Variants in DEUP1 observed in about 807,000 individuals in gnomAD.
DEUP1 encodes coiled-coil domain containing 67.
Under a neutral mutation model 87.4 loss-of-function variants are expected in DEUP1, and 82 were observed. That is an observed-to-expected ratio of 0.94 (90% CI 0.78 to 1.13). DEUP1 has a LOEUF of 1.13. Among genes scored for constraint, DEUP1 ranks in the 50% most tolerant of loss-of-function variants. The probability of loss-of-function intolerance (pLI) is 0.00; values close to 1 mark genes in which losing one functional copy is unlikely to be tolerated. For synonymous variants in DEUP1, 214 were observed against 222.7 expected (o/e 0.96, Z 0.35); for missense variants, 663 against 681.5 (o/e 0.97, Z 0.30).
chr11:93,358,652 C>CGG (rs1243554839), intron 4 of DEUP1, among the ~76,000 whole-genome samples: 1 of 152,102 alleles, frequency 6.6e-6, no homozygotes, highest in East Asian at 1.9e-4. Flanking sequence ...GGCATGATCT[C>CGG]CCCTCACTGC....
intron 7 of DEUP1, among the ~76,000 whole-genome samples, chr11:93,380,478 G>T (rs1275661600): frequency 6.6e-6 from 1 of 152,084 alleles, no homozygotes; most frequent in African/African-American, 2.4e-5. Flanking sequence ...TCGGCTCACT[G>T]CAAGCTCCAC....
In DEUP1 at chr11:93,433,750, G is replaced by T. The variant is rs756184964; in HGVS notation, c.1639-3793G>T. Among the ~76,000 whole-genome samples, 14 of 152,302 alleles carry T rather than the reference G, an allele frequency of 9.2e-5. No homozygotes were observed. The East Asian group carries it at 2.7e-3, about 29-fold the overall frequency. Reference sequence around the variant, plus strand: ...ATTTTAGTATTTTCAGGAGGAGAGTGAAGGAGACAGGCTAGGGAAGGGGAG... The same window carrying T: ...ATTTTAGTATTTTCAGGAGGAGAGTTAAGGAGACAGGCTAGGGAAGGGGAG... On this transcript the variant is annotated intron_variant, in intron 13 of 13. Coordinates refer to ENST00000298050, the MANE Select transcript of DEUP1 (RefSeq NM_181645.4).
In DEUP1 at chr11:93,420,128, C is replaced by A. The variant is rs201214092; in HGVS notation, c.1638+5014C>A. Among the ~76,000 whole-genome samples the A allele has an allele frequency of 2.2e-4, 34 of 152,294 alleles. No homozygotes were observed. In the East Asian group the frequency reaches 6.6e-3, roughly 29 times the overall value. Reference sequence around the variant, plus strand: ...CACAACCAAATAAGAGAATTTTAGACCAATATCCTTGATGAACATTGATGC... The same window carrying A: ...CACAACCAAATAAGAGAATTTTAGAACAATATCCTTGATGAACATTGATGC... On this transcript the variant is annotated intron_variant, in intron 13 of 13. Coordinates refer to ENST00000298050, the MANE Select transcript of DEUP1 (RefSeq NM_181645.4).
rs568658048 is a variant in DEUP1, at chr11:93,364,660, C to T, written c.432+366C>T. Among the ~76,000 whole-genome samples the T allele has an allele frequency of 3.3e-5, 5 of 151,874 alleles. No individual in the cohort carries two copies. The East Asian group carries it at 9.7e-4, about 29-fold the overall frequency. The stretch of plus-strand genomic sequence containing the variant: ...CATTTAGCTATTAGGTAGTTAAATC[C>T]CAATGAAGCCTCATCACAGTTTTTA... On this transcript the variant is annotated intron_variant, in intron 5 of 13. Transcript: ENST00000298050.
chr11:93,430,108 T>C (rs773136448), intron 13 of DEUP1, among the ~76,000 whole-genome samples: 11 of 152,202 alleles, frequency 7.2e-5, no homozygotes, highest in Non-Finnish European at 1.5e-4. Flanking sequence ...GTTCTCTGGC[T>C]TCTATGACAC....
At chr11:93,336,037 C>T (rs193062010) in intron 2 of DEUP1, among the ~76,000 whole-genome samples, 6 of 152,164 alleles carry the variant, frequency 3.9e-5, no homozygotes, top group South Asian at 4.1e-4. Context: ...CATTTGAACC[C>T]GGGAGGCGGA....
intron 13 of DEUP1, among the ~76,000 whole-genome samples, chr11:93,416,275 A>G (rs1328760745): frequency 6.6e-6 from 1 of 152,220 alleles, no homozygotes; most frequent in Non-Finnish European, 1.5e-5. Context: ...CAAAATTGAT[A>G]GACTGCTAAC....
Position 93,396,271 on chromosome 11 carries a change from T to C in DEUP1, c.1272T>C (p.Thr424=). 6.3e-7 allele frequency: 1 copy of C among 1,586,600 alleles called. No individual in the cohort carries two copies. The highest frequency in any genetic ancestry group is 8.6e-7 in the Non-Finnish European group (1 of 1,165,992). ...ATATGAAATATAAAGCTGTCAGAAC[T>C]GAAAACACACATCTAAAAGGAATGA... The part of the protein sequence containing the change: ...VSDMKYKAVR[T]ENTHLKGMMG... The change falls in exon 11 of 14, where the codon ACT becomes ACC. Residue 424 remains threonine, a synonymous_variant. Transcript: ENST00000298050.
Position 93,437,730 on chromosome 11 carries a change from T to A in DEUP1, c.*11T>A. 6.6e-7 allele frequency: 1 copy of A among 1,507,596 alleles called. No homozygotes were observed. Among genetic ancestry groups the A allele is most frequent in the Non-Finnish European group, 9.1e-7 (1 of 1,098,462 alleles). 93.4% of individuals were successfully genotyped at this position (1,507,596 alleles called of 1,614,324 possible). On this transcript the variant is annotated 3_prime_UTR_variant, in exon 14 of 14. Coordinates refer to ENST00000298050, the MANE Select transcript of DEUP1 (RefSeq NM_181645.4). ...AATAGACACATATGAGCTTTTAAAC[T>A]TTTTTATTTGCTTCCCCCCCCCACC...
At chr11:93,414,945 A>G (rs1262347441) in intron 12 of DEUP1, 55 bp from the exon 13 acceptor site, 2 of 990,996 alleles carry the variant, frequency 2.0e-6, no homozygotes. Flanking sequence ...CCTTAGCTAC[A>G]TAAATAAACA....
intron 13 of DEUP1, among the ~76,000 whole-genome samples, chr11:93,427,616 T>C (rs1947964594): frequency 6.6e-6 from 1 of 150,400 alleles, no homozygotes; most frequent in Non-Finnish European, 1.5e-5. Context: ...AAAGCCAAAA[T>C]TGACAAATGG....
intron 4 of DEUP1, among the ~76,000 whole-genome samples, chr11:93,359,790 C>CCACT (rs1945075788): frequency 6.6e-6 from 1 of 152,156 alleles, no homozygotes; most frequent in African/African-American, 2.4e-5. Context: ...AACTATAGCC[C>CCACT]CACTGCCACC....
intron 2 of DEUP1, among the ~76,000 whole-genome samples, chr11:93,339,302 A>T (rs914104919): frequency 3.9e-5 from 6 of 152,244 alleles, no homozygotes; most frequent in Non-Finnish European, 7.3e-5. Flanking sequence ...TATACCTATA[A>T]TCTGTACAAA....
At chr11:93,357,254 A>G (rs1944943125) in intron 4 of DEUP1, 1 of 370,912 alleles carries the variant, frequency 2.7e-6, no homozygotes, top group African/African-American at 2.1e-5. Flanking sequence ...CTGTTAGCAC[A>G]GTAGTAGACA....
Position 93,385,556 on chromosome 11 carries a change from T to C in DEUP1, c.935+13T>C, listed in dbSNP as rs192533254. 368 of 1,574,852 alleles carry C rather than the reference T, an allele frequency of 2.3e-4. 1 individual carries two copies. The African/African-American group carries it at 4.7e-3, about 20-fold the overall frequency. The stretch of plus-strand genomic sequence containing the variant: ...GAAATAAAACAAGGTATAATCTTTA[T>C]ATTTGACAATCTGAGAGAACTGTTC... On this transcript the variant is annotated intron_variant, in intron 8 of 13. Transcript: ENST00000298050.
At chr11:93,352,213 A>G in intron 2 of DEUP1, 1 of 583,858 alleles carries the variant, frequency 1.7e-6, no homozygotes, top group Non-Finnish European at 3.1e-6. Flanking sequence ...CCTCCCAGCC[A>G]CACAAATACA....
intron 2 of DEUP1, among the ~76,000 whole-genome samples, chr11:93,343,954 A>G (rs1944201858): frequency 6.6e-6 from 1 of 152,208 alleles, no homozygotes; most frequent in East Asian, 1.9e-4. Flanking sequence ...TTATGTAATA[A>G]AAATAGGCAT....
At chr11:93,373,615 ATATATATACG>A (rs1390867253) in intron 7 of DEUP1, among the ~76,000 whole-genome samples, 5 of 32,220 alleles carry the variant, frequency 1.6e-4, no homozygotes, top group African/African-American at 3.2e-4. Flanking sequence ...TTATATATGT[ATATATATACG>A]TATATATATA....
intron 9 of DEUP1, among the ~76,000 whole-genome samples, chr11:93,389,903 A>T (rs773436315): frequency 3.3e-5 from 5 of 152,224 alleles, no homozygotes; most frequent in Non-Finnish European, 7.3e-5. Context: ...AGCACCTAAC[A>T]TGTGCCAGGA....
Sources: gnomAD v4.1 joint callset for allele counts (sites outside exome capture counted in the v4.1 genomes callset) on GRCh38, gnomAD v4.1.1 for gene constraint, MANE v1.5 for transcripts, NCBI Gene and HGNC (gene_info 2026-07-23, HGNC 2026-07-21) for gene names.